Variants in CSGALNACT1 observed in about 807,000 individuals in gnomAD.
CSGALNACT1 encodes beta4GalNAcT-1.
A neutral mutation model predicts 51.0 loss-of-function variants in CSGALNACT1; 52 were observed. The ratio of observed to expected loss-of-function variants is 1.02; its 90% CI spans 0.82 to 1.29. The LOEUF is 1.29. Ranked by LOEUF, CSGALNACT1 falls within the 50% of genes most tolerant of loss-of-function variation. The probability of loss-of-function intolerance (pLI) is 0.00; values close to 1 mark genes in which losing one functional copy is unlikely to be tolerated. For synonymous variants in CSGALNACT1, 341 were observed against 254.4 expected (o/e 1.34, Z -3.24); for missense variants, 935 against 679.2 (o/e 1.38, Z -4.19).
rs59810980 is a variant in CSGALNACT1, at chr8:19,547,275, G to C, written c.-296-41145C>G. 0.012 allele frequency among the ~76,000 whole-genome samples: 1,752 copies of C among 152,256 alleles called. 87 individuals are homozygous for C. In the East Asian group the frequency reaches 0.14, roughly 12 times the overall value. ...AAGTGACAAGTAAAAGCTCTAACTG[G>C]TCATCTATGGTCCAAGTCTGATAAC... is the stretch of plus-strand genomic sequence containing the variant. On this transcript the variant is annotated intron_variant, in intron 3 of 9. Transcript: ENST00000454498.
intron 3 of CSGALNACT1, among the ~76,000 whole-genome samples, chr8:19,530,434 T>C (rs887634615): frequency 1.5e-4 from 23 of 152,204 alleles, no homozygotes; most frequent in African/African-American, 5.1e-4. Flanking sequence ...TTCATTAACA[T>C]AGATGAGTAA....
At chr8:19,554,966 G>A (rs537047527) in intron 3 of CSGALNACT1, among the ~76,000 whole-genome samples, 14 of 151,912 alleles carry the variant, frequency 9.2e-5, no homozygotes, top group African/African-American at 2.2e-4. Context: ...TGAGCCGGGC[G>A]TGGTGGCTCA....
At chr8:19,753,788 T>G (rs2065189017) in intron 1 of CSGALNACT1, among the ~76,000 whole-genome samples, 1 of 152,240 alleles carries the variant, frequency 6.6e-6, no homozygotes, top group Admixed American at 6.5e-5. Context: ...TTTTCAGTAA[T>G]AATGTTTGTT....
intron 3 of CSGALNACT1, among the ~76,000 whole-genome samples, chr8:19,562,564 A>G (rs979789176): frequency 1.3e-5 from 2 of 152,168 alleles, no homozygotes; most frequent in Non-Finnish European, 2.9e-5. Flanking sequence ...CCATCTGACA[A>G]AGGTCTAATA....
At chr8:19,717,774 A>C (rs748434966) in intron 1 of CSGALNACT1, among the ~76,000 whole-genome samples, 5 of 152,048 alleles carry the variant, frequency 3.3e-5, no homozygotes, top group Middle Eastern at 3.2e-3. Context: ...AAGACTAGAG[A>C]CTATTTTTAG....
At chr8:19,623,480 G>C (rs1303597396) in intron 1 of CSGALNACT1, among the ~76,000 whole-genome samples, 1 of 152,136 alleles carries the variant, frequency 6.6e-6, no homozygotes. Context: ...CATTTTTTAA[G>C]AATTGAACAA....
intron 1 of CSGALNACT1, among the ~76,000 whole-genome samples, chr8:19,681,159 A>T (rs2060588760): frequency 1.3e-5 from 2 of 152,220 alleles, no homozygotes; most frequent in South Asian, 4.2e-4. Flanking sequence ...GCTCATTGGG[A>T]TACTAGGAAA....
At chr8:19,581,305 T>C (rs1030368191) in intron 3 of CSGALNACT1, among the ~76,000 whole-genome samples, 7 of 152,222 alleles carry the variant, frequency 4.6e-5, no homozygotes, top group African/African-American at 1.7e-4. Context: ...TATTCAGGCC[T>C]GACTCATAGT....
intron 8 of CSGALNACT1, among the ~76,000 whole-genome samples, chr8:19,414,594 T>TACACAC (rs10555160): frequency 1.0e-4 from 15 of 150,728 alleles, no homozygotes; most frequent in Non-Finnish European, 1.9e-4. Flanking sequence ...AACACACACA[T>TACACAC]ACACACACAC....
chr8:19,515,282 A>G (rs1476917363), intron 3 of CSGALNACT1, among the ~76,000 whole-genome samples: 2 of 151,910 alleles, frequency 1.3e-5, no homozygotes, highest in African/African-American at 4.8e-5. Context: ...CCCACAACCC[A>G]CTTCCCTTCC....
At chr8:19,441,903 G>A (rs1472675492) in intron 5 of CSGALNACT1, among the ~76,000 whole-genome samples, 1 of 152,120 alleles carries the variant, frequency 6.6e-6, no homozygotes, top group Non-Finnish European at 1.5e-5. Context: ...CAAAAAGTGG[G>A]CGAAGGATAT....
chr8:19,574,991 C>T (rs928509596), intron 3 of CSGALNACT1, among the ~76,000 whole-genome samples: 2 of 151,638 alleles, frequency 1.3e-5, no homozygotes, highest in African/African-American at 2.4e-5. Flanking sequence ...GGTGAGATAG[C>T]GCCACTGCAC....
upstream of CSGALNACT1, chr8:19,602,569 G>T (rs1345842842): frequency 6.6e-6 from 1 of 152,212 alleles, no homozygotes; most frequent in East Asian, 1.9e-4. Context: ...CAGGGAACAC[G>T]ACACCCAAGG....
At chr8:19,485,220 C>T (rs964691065) in intron 4 of CSGALNACT1, among the ~76,000 whole-genome samples, 4 of 152,130 alleles carry the variant, frequency 2.6e-5, no homozygotes, top group East Asian at 1.9e-4. Context: ...CTTCCCATCT[C>T]GGTCAATCAC....
intron 3 of CSGALNACT1, among the ~76,000 whole-genome samples, chr8:19,531,143 C>G (rs777096955): frequency 6.6e-5 from 10 of 152,178 alleles, no homozygotes; most frequent in Non-Finnish European, 1.3e-4. Flanking sequence ...GCTTGAAACT[C>G]TTCAGAGATA....
intron 1 of CSGALNACT1, among the ~76,000 whole-genome samples, chr8:19,728,153 G>A (rs528769225): frequency 2.0e-5 from 3 of 152,182 alleles, no homozygotes; most frequent in East Asian, 1.9e-4. Flanking sequence ...CGGTGCCTCC[G>A]TTTCCTCATC....
intron 3 of CSGALNACT1, among the ~76,000 whole-genome samples, chr8:19,540,961 T>TA (rs1233931728): frequency 2.0e-5 from 3 of 152,176 alleles, no homozygotes; most frequent in Non-Finnish European, 4.4e-5. Context: ...TCCAAGCCCC[T>TA]ACCCTGTCCC....
At chr8:19,522,364 A>G (rs1291354243) in intron 3 of CSGALNACT1, among the ~76,000 whole-genome samples, 2 of 152,178 alleles carry the variant, frequency 1.3e-5, no homozygotes. Flanking sequence ...CACTTTCCAA[A>G]TTTTAAATCA....
intron 6 of CSGALNACT1, among the ~76,000 whole-genome samples, chr8:19,435,280 G>T (rs1483307860): frequency 6.6e-6 from 1 of 152,130 alleles, no homozygotes; most frequent in Non-Finnish European, 1.5e-5. Flanking sequence ...GGATCACAAG[G>T]TCAAGAGATC....
Sources: allele counts gnomAD v4.1 joint callset (sites outside exome capture counted in the v4.1 genomes callset), GRCh38; gene constraint gnomAD v4.1.1; transcripts MANE v1.5; gene names NCBI Gene and HGNC (gene_info 2026-07-23, HGNC 2026-07-21).